The following FAM151B variants were observed in gnomAD, a reference collection of about 807,000 sequenced individuals.
FAM151B encodes the protein protein FAM151B.
FAM151B carries 24 observed loss-of-function variants against 31.2 expected under a neutral mutation model. That is an observed-to-expected ratio of 0.77 (90% CI 0.56 to 1.08). The LOEUF (loss-of-function observed/expected upper bound fraction) is 1.08, where lower values mean the gene tolerates loss of function less well. Among genes scored for constraint, FAM151B ranks in the 50% least tolerant of loss-of-function variants. FAM151B has a pLI of 0.00. For missense variants in FAM151B, 293 were observed against 328.6 expected (o/e 0.89, Z 0.84); for synonymous variants, 105 against 111.4 (o/e 0.94, Z 0.36).
chr5:80,492,793 A>T (rs1386490593), intron 1 of FAM151B, among the ~76,000 whole-genome samples: 1 of 152,038 alleles, frequency 6.6e-6, no homozygotes, highest in African/African-American at 2.4e-5. Flanking sequence ...TCTCTACAAA[A>T]AATTTTAAAA....
At chr5:80,495,362 T>C (rs1383301176) in intron 1 of FAM151B, 1 of 152,146 alleles carries the variant, frequency 6.6e-6, no homozygotes, top group African/African-American at 2.4e-5. Flanking sequence ...ATTCCTCTGA[T>C]GGATGTGGGC....
chr5:80,525,534 G>A (rs187261), intron 5 of FAM151B, among the ~76,000 whole-genome samples: 119,080 of 152,000 alleles, frequency 0.78, 46,864 homozygotes, highest in African/African-American at 0.84. Flanking sequence ...AGAGAAGTTT[G>A]TATATCTGTC....
intron 4 of FAM151B, 79 bp downstream of exon 4, chr5:80,519,989 C>G (rs1744631777): frequency 3.8e-6 from 5 of 1,331,988 alleles, no homozygotes; most frequent in Non-Finnish European, 5.2e-6. Context: ...AATACAAAGA[C>G]CAAAACCCAT....
chr5:80,525,131 T>C (rs893394687), intron 5 of FAM151B, among the ~76,000 whole-genome samples: 2 of 152,196 alleles, frequency 1.3e-5, no homozygotes, highest in African/African-American at 4.8e-5. Context: ...ACCACCTCAA[T>C]CACCTTGTGA....
chr5:80,490,695 C>T (rs1427133523), intron 1 of FAM151B, among the ~76,000 whole-genome samples: 1 of 152,188 alleles, frequency 6.6e-6, no homozygotes, highest in Non-Finnish European at 1.5e-5. Context: ...GCTTCTTCCA[C>T]TTATCATAGT....
intron 2 of FAM151B, among the ~76,000 whole-genome samples, chr5:80,510,167 A>G (rs149656101): frequency 6.6e-6 from 1 of 152,266 alleles, no homozygotes; most frequent in African/African-American, 2.4e-5. Flanking sequence ...TGATGATTTT[A>G]TGGGTCAGCT....
intron 5 of FAM151B, among the ~76,000 whole-genome samples, chr5:80,538,992 CTTTTT>C (rs11309479): frequency 1.7e-5 from 2 of 117,104 alleles, no homozygotes; most frequent in African/African-American, 3.2e-5. Context: ...TTTCCTTCCT[CTTTTT>C]TTTTTTTTTT....
intron 5 of FAM151B, among the ~76,000 whole-genome samples, chr5:80,540,117 C>G (rs1489933780): frequency 6.6e-6 from 1 of 152,122 alleles, no homozygotes; most frequent in East Asian, 1.9e-4. Context: ...CAGATTCTAC[C>G]AACCATTACA....
chr5:80,500,102 C>T (rs1165294687), intron 1 of FAM151B: 1 of 261,152 alleles, frequency 3.8e-6, no homozygotes, highest in Non-Finnish European at 7.3e-6. Flanking sequence ...TTTTCCACAT[C>T]ATGGATGAGC....
intron 1 of FAM151B, chr5:80,500,190 A>T (rs1743692519): frequency 6.7e-6 from 3 of 448,804 alleles, no homozygotes; most frequent in East Asian, 3.9e-5. Flanking sequence ...TATGTGGAAT[A>T]AAAAAAAATC....
chr5:80,533,104 A>T (rs1745324174), intron 5 of FAM151B, among the ~76,000 whole-genome samples: 1 of 152,184 alleles, frequency 6.6e-6, no homozygotes, highest in African/African-American at 2.4e-5. Context: ...AAGGCCGAGC[A>T]CTGTGGCTCA....
In FAM151B at chr5:80,513,748, G is replaced by A. The variant is rs1444345094; in HGVS notation, c.296G>A (p.Gly99Asp). 1.9e-6 allele frequency: 3 copies of A among 1,610,240 alleles called. No homozygotes were observed. The highest frequency in any genetic ancestry group is 2.5e-6 in the Non-Finnish European group (3 of 1,179,034). Residue 99 changes from glycine to aspartate, a missense_variant, in exon 3 of 6, where the codon GGC (glycine) becomes GAC (aspartate). Coordinates refer to ENST00000282226, the MANE Select transcript of FAM151B (RefSeq NM_205548.3). ...WLTEVMKSNK[G>D]IKLDFKSLAV... ...ACTGAAGTTATGAAAAGCAATAAAGGCATCAAGCTGGATTTCAAAAGGTAT... is the reference window on the plus strand; with the variant it reads ...ACTGAAGTTATGAAAAGCAATAAAGACATCAAGCTGGATTTCAAAAGGTAT...
chr5:80,531,263 A>G (rs923990362), intron 5 of FAM151B, among the ~76,000 whole-genome samples: 1 of 152,240 alleles, frequency 6.6e-6, no homozygotes, highest in Non-Finnish European at 1.5e-5. Flanking sequence ...CTTAAATATT[A>G]GACCTAAAGC....
chr5:80,509,398 C>A (rs765888408), intron 2 of FAM151B, among the ~76,000 whole-genome samples: 4 of 152,136 alleles, frequency 2.6e-5, no homozygotes, highest in African/African-American at 9.7e-5. Flanking sequence ...GGTGTTCTCT[C>A]GCTCCGCCTT....
chr5:80,530,804 A>T (rs543609890), intron 5 of FAM151B, among the ~76,000 whole-genome samples: 39 of 152,346 alleles, frequency 2.6e-4, no homozygotes, highest in South Asian at 1.7e-3. Context: ...GAAAATGGCC[A>T]TACTGCCCAA....
At chr5:80,515,318 A>T (rs912306373) in intron 3 of FAM151B, among the ~76,000 whole-genome samples, 1 of 152,210 alleles carries the variant, frequency 6.6e-6, no homozygotes, top group Non-Finnish European at 1.5e-5. Flanking sequence ...CATTTTATTG[A>T]CAAAGAAACT....
At chr5:80,525,257 G>A (rs151031992) in intron 5 of FAM151B, among the ~76,000 whole-genome samples, 33 of 152,266 alleles carry the variant, frequency 2.2e-4, no homozygotes, top group African/African-American at 7.7e-4. Flanking sequence ...ACCTCATTTT[G>A]AGTCAAGCAA....
chr5:80,530,496 C>A (rs1231251115), intron 5 of FAM151B, among the ~76,000 whole-genome samples: 1 of 152,186 alleles, frequency 6.6e-6, no homozygotes, highest in Non-Finnish European at 1.5e-5. Flanking sequence ...CCTATTGTCT[C>A]AGCCCAAAAT....
At chr5:80,527,837 T>C (rs1191627321) in intron 5 of FAM151B, among the ~76,000 whole-genome samples, 1 of 152,196 alleles carries the variant, frequency 6.6e-6, no homozygotes, top group Admixed American at 6.5e-5. Flanking sequence ...ATTTAAAATT[T>C]CTTTTTCTTC....
Sources: allele counts gnomAD v4.1 joint callset (sites outside exome capture counted in the v4.1 genomes callset), GRCh38; gene constraint gnomAD v4.1.1; transcripts MANE v1.5; gene names NCBI Gene and HGNC (gene_info 2026-07-23, HGNC 2026-07-21).